The following EBF1 variants were observed in gnomAD, a reference collection of about 807,000 sequenced individuals.
EBF1 encodes the protein transcription factor COE1.
In EBF1, 10 loss-of-function variants were observed where a neutral mutation model predicts 68.4. The ratio of observed to expected loss-of-function variants is 0.15; its 90% confidence interval spans 0.09 to 0.25. EBF1 has a LOEUF of 0.25. Ranked by LOEUF, EBF1 falls within the 10% of genes least tolerant of loss-of-function variation. EBF1 has a pLI of 1.00. For synonymous variants in EBF1, 298 were observed against 299.8 expected (o/e 0.99, Z 0.06); for missense variants, 509 against 794.4 (o/e 0.64, Z 4.32).
intron 6 of EBF1, among the ~76,000 whole-genome samples, chr5:159,004,418 C>T (rs377392245): frequency 8.6e-5 from 13 of 152,002 alleles, no homozygotes; most frequent in African/African-American, 2.9e-4. Context: ...AGGGAGGCTA[C>T]AGGACTATCT....
intron 8 of EBF1, among the ~76,000 whole-genome samples, chr5:158,803,549 C>G (rs1363697757): frequency 4.6e-5 from 7 of 151,912 alleles, no homozygotes; most frequent in Non-Finnish European, 1.0e-4. Flanking sequence ...CTTTGTTTAT[C>G]CATTCTCCAA....
intron 6 of EBF1, among the ~76,000 whole-genome samples, chr5:159,043,086 C>A (rs1433463347): frequency 6.6e-6 from 1 of 152,154 alleles, no homozygotes; most frequent in Non-Finnish European, 1.5e-5. Flanking sequence ...TGTATTGTTT[C>A]AACAACACCA....
chr5:158,977,990 C>T (rs1757119823), intron 6 of EBF1, among the ~76,000 whole-genome samples: 1 of 152,216 alleles, frequency 6.6e-6, no homozygotes, highest in African/African-American at 2.4e-5. Context: ...AGGGAAGAGG[C>T]TGCCTCACAC....
chr5:159,096,324 G>A lies in EBF1; in HGVS notation c.355+19C>T. 6 of 1,611,264 alleles carry A rather than the reference G, an allele frequency of 3.7e-6. No individual in the cohort carries two copies. Among genetic ancestry groups the A allele is most frequent in the Non-Finnish European group, 4.2e-6 (5 of 1,178,898 alleles). On this transcript the variant is annotated intron_variant, in intron 3 of 15. Coordinates refer to ENST00000313708, the MANE Select transcript of EBF1 (RefSeq NM_024007.5). Reference sequence around the variant, plus strand: ...CCCGGAGCCCCAGGGTGAGGCCATAGACCCGACCCGGGCCTCACCATTGCT... The same window carrying A: ...CCCGGAGCCCCAGGGTGAGGCCATAAACCCGACCCGGGCCTCACCATTGCT...
Position 158,714,159 on chromosome 5 carries a change from C to T in EBF1, c.1149G>A (p.Ala383=), listed in dbSNP as rs771261200. The T allele has an allele frequency of 4.3e-5, 69 of 1,614,102 alleles. No homozygotes were observed. Among genetic ancestry groups the T allele is most frequent in the Non-Finnish European group, 4.9e-5 (58 of 1,180,054 alleles). The change falls in exon 12 of 16, where the codon GCG becomes GCA. Residue 383 remains alanine, a synonymous_variant. Transcript: ENST00000313708. Reference sequence around the variant, plus strand: ...TCCCATACAGTGCTTCTACCAGATCCGCAGCCCTTTTGAGTATTACTTCCT... The same window carrying T: ...TCCCATACAGTGCTTCTACCAGATCTGCAGCCCTTTTGAGTATTACTTCCT... The part of the protein sequence containing the change: ...LPKEVILKRA[A]DLVEALYGMP...
rs1401348832 is a variant in EBF1, at chr5:158,697,576, AT to A, written c.*1534del. On this transcript the variant is annotated 3_prime_UTR_variant, in exon 16 of 16. Coordinates refer to ENST00000313708, the MANE Select transcript of EBF1 (RefSeq NM_024007.5). ...AGATAAATACATTATTTATATGGAT[AT>A]TTTACAAAATCCCCTTTAAAACAAA... The A allele has an allele frequency of 4.9e-6, 1 of 205,218 alleles. No individual in the cohort carries two copies. Among genetic ancestry groups the A allele is most frequent in the Non-Finnish European group, 1.0e-5 (1 of 100,220 alleles). 12.7% of individuals were successfully genotyped at this position (205,218 alleles called of 1,614,324 possible).
At chr5:158,983,519 T>G (rs1561703699) in intron 6 of EBF1, 1 of 152,210 alleles carries the variant, frequency 6.6e-6, no homozygotes, top group Non-Finnish European at 1.5e-5. Flanking sequence ...AATTAAGCAA[T>G]AAGCTCAAAG....
chr5:158,999,855 CT>C (rs1176873618), intron 6 of EBF1, among the ~76,000 whole-genome samples: 1 of 152,196 alleles, frequency 6.6e-6, no homozygotes, highest in Non-Finnish European at 1.5e-5. Context: ...GTATCCAACT[CT>C]TTTCCTACTG....
intron 14 of EBF1, among the ~76,000 whole-genome samples, chr5:158,709,823 A>T (rs1366660974): frequency 2.0e-5 from 3 of 152,224 alleles, no homozygotes; most frequent in Non-Finnish European, 1.5e-5. Context: ...AAACTCCTGC[A>T]CTGGAGGTTT....
intron 6 of EBF1, among the ~76,000 whole-genome samples, chr5:158,895,149 A>G (rs1377128149): frequency 6.6e-6 from 1 of 152,212 alleles, no homozygotes; most frequent in African/African-American, 2.4e-5. Flanking sequence ...TAGGACTATG[A>G]ACATCAATAA....
chr5:159,022,056 TAAAAAAAAA>T (rs10630834), intron 6 of EBF1, among the ~76,000 whole-genome samples: 1 of 105,630 alleles, frequency 9.5e-6, no homozygotes, highest in Non-Finnish European at 1.8e-5. Flanking sequence ...GTCAGCACGA[TAAAAAAAAA>T]AAAAAAAAAA....
intron 6 of EBF1, among the ~76,000 whole-genome samples, chr5:158,937,064 C>A (rs1252085443): frequency 6.6e-6 from 1 of 151,802 alleles, no homozygotes; most frequent in African/African-American, 2.4e-5. Flanking sequence ...TTCAGTCTCT[C>A]GGTGGCCTAA....
intron 10 of EBF1, among the ~76,000 whole-genome samples, chr5:158,764,172 A>G (rs956987155): frequency 3.3e-5 from 5 of 152,206 alleles, no homozygotes; most frequent in Non-Finnish European, 7.3e-5. Context: ...CCAGGATTCA[A>G]ACTGGGATCT....
intron 10 of EBF1, among the ~76,000 whole-genome samples, chr5:158,776,764 G>T (rs896489963): frequency 6.6e-6 from 1 of 152,138 alleles, no homozygotes. Flanking sequence ...TGGGTATTTG[G>T]TTTGCACTTC....
intron 6 of EBF1, among the ~76,000 whole-genome samples, chr5:158,878,808 T>A (rs572815913): frequency 1.4e-4 from 21 of 152,202 alleles, no homozygotes; most frequent in African/African-American, 5.1e-4. Context: ...GGTGCTCAGC[T>A]AATTTTTTTA....
chr5:159,052,138 G>A (rs566548193), intron 6 of EBF1, among the ~76,000 whole-genome samples: 2 of 152,044 alleles, frequency 1.3e-5, no homozygotes, highest in South Asian at 2.1e-4. Context: ...TTGGAAAGGT[G>A]CAATAGGAAC....
chr5:159,065,781 G>T (rs1220103687), intron 6 of EBF1, among the ~76,000 whole-genome samples: 3 of 152,136 alleles, frequency 2.0e-5, no homozygotes, highest in Non-Finnish European at 2.9e-5. Context: ...CTATTTTCTG[G>T]TTTTTTCCCT....
intron 6 of EBF1, among the ~76,000 whole-genome samples, chr5:159,004,762 T>C (rs936464750): frequency 6.6e-6 from 1 of 152,200 alleles, no homozygotes; most frequent in Non-Finnish European, 1.5e-5. Flanking sequence ...GATAAGATCC[T>C]GGATTCTTCA....
intron 10 of EBF1, among the ~76,000 whole-genome samples, chr5:158,773,371 TA>T (rs1449779231): frequency 6.6e-6 from 1 of 152,140 alleles, no homozygotes; most frequent in Non-Finnish European, 1.5e-5. Flanking sequence ...GTTCACAGGC[TA>T]ATACACAGGA....
Sources: allele counts gnomAD v4.1 joint callset (sites outside exome capture counted in the v4.1 genomes callset), GRCh38; gene constraint gnomAD v4.1.1; transcripts MANE v1.5; gene names NCBI Gene and HGNC (gene_info 2026-07-23, HGNC 2026-07-21).